Variants in PIK3C2A observed in about 807,000 individuals in gnomAD.
PIK3C2A encodes phosphatidylinositol-4-phosphate 3-kinase catalytic subunit type 2 alpha.
A neutral mutation model predicts 204.5 loss-of-function variants in PIK3C2A; 97 were observed. That is an observed-to-expected ratio of 0.47 (90% CI 0.40 to 0.56). The LOEUF is 0.56. Ranked by LOEUF, PIK3C2A falls within the 20% of genes least tolerant of loss-of-function variation. The pLI is 0.00. For synonymous variants in PIK3C2A, 653 were observed against 664.4 expected (o/e 0.98, Z 0.26); for missense variants, 1,735 against 1,969.2 (o/e 0.88, Z 2.25).
Position 17,189,704 on chromosome 11 carries a change from A to G in PIK3C2A, c.-66+18144T>C, listed in dbSNP as rs112984474. On this transcript the variant is annotated intron_variant, in intron 1 of 32. Transcript: ENST00000691414. ...AGCAGTCACATTTCCCCTCCCTAAT[A>G]TTAGTGATTTTAAAAGAAGACAGTT... Among the ~76,000 whole-genome samples, 338 of 150,836 alleles carry G rather than the reference A, an allele frequency of 2.2e-3. 2 individuals are homozygous for G. Among genetic ancestry groups the G allele is most frequent in the Non-Finnish European group, 1.8e-3 (125 of 67,832 alleles).
chr11:17,102,392 G>C (rs569351720), intron 24 of PIK3C2A, among the ~76,000 whole-genome samples: 8 of 152,162 alleles, frequency 5.3e-5, no homozygotes, highest in African/African-American at 1.9e-4. Flanking sequence ...AGCCGAGATC[G>C]TGCCACTGCA....
intron 20 of PIK3C2A, among the ~76,000 whole-genome samples, 186 bp from the exon 21 acceptor site, chr11:17,112,852 C>T (rs1849044855): frequency 6.6e-6 from 1 of 151,144 alleles, no homozygotes; most frequent in African/African-American, 2.5e-5. Context: ...GTGATGCAAC[C>T]ATAGCTTCCC....
At chr11:17,091,729 T>C in intron 30 of PIK3C2A, 73 bp from the exon 31 acceptor site, 1 of 1,019,758 alleles carries the variant, frequency 9.8e-7, no homozygotes. Context: ...GATTTTGCTT[T>C]ATTTTCAAGA....
At chr11:17,114,804 TGGTAGGGAGAGAGGTGTACACA>T (rs1189903273) in intron 19 of PIK3C2A, among the ~76,000 whole-genome samples, 2 of 152,234 alleles carry the variant, frequency 1.3e-5, no homozygotes, top group Non-Finnish European at 2.9e-5. Context: ...CATAACTTAT[TGGTAGGGAGAGAGGTGTACACA>T]GGTGTAGCTT....
intron 1 of PIK3C2A, among the ~76,000 whole-genome samples, chr11:17,203,417 TAAC>T (rs763129368): frequency 5.3e-5 from 8 of 151,754 alleles, no homozygotes; most frequent in Non-Finnish European, 1.0e-4. Context: ...AAAATAAAGA[TAAC>T]AAAAATATGA....
At chr11:17,199,884 T>C (rs1852305168) in intron 1 of PIK3C2A, among the ~76,000 whole-genome samples, 1 of 137,296 alleles carries the variant, frequency 7.3e-6, no homozygotes, top group South Asian at 2.3e-4. Flanking sequence ...ATCGTGCCAC[T>C]ACATTCCAGC....
At chr11:17,117,718 T>TG (rs755371785) in intron 18 of PIK3C2A, 47 bp from the exon 19 acceptor site, 1 of 1,186,258 alleles carries the variant, frequency 8.4e-7, no homozygotes, top group East Asian at 2.4e-5. Flanking sequence ...GTTTTTTTTT[T>TG]TTTTTTTTTT....
rs1402390782 is a variant in PIK3C2A, at chr11:17,110,484, T to G, written c.3492A>C (p.Gly1164=). 1 of 1,609,584 alleles carries G rather than the reference T, an allele frequency of 6.2e-7. No individual in the cohort carries two copies. Among genetic ancestry groups the G allele is most frequent in the South Asian group, 1.1e-5 (1 of 90,944 alleles). ...TGAAAATTACCATCCTCAGATCTAG[T>G]CCTTCTTTAAGCCAGATCTTATCCA... is the stretch of plus-strand genomic sequence containing the variant. ...KIMDKIWLKE[G]LDLRMVIFKC... The change falls in exon 22 of 33, where the codon GGA becomes GGC. Residue 1164 remains glycine, a synonymous_variant. Transcript: ENST00000691414.
Position 17,101,353 on chromosome 11 carries a change from C to T in PIK3C2A, c.3933G>A (p.Leu1311=). Residue 1311 remains leucine (L), a synonymous_variant, in exon 25 of 33, where the codon TTG becomes TTA. Transcript: ENST00000691414. ...AGGCCTGACAGCAGAGGTCCACAAA[C>T]AACTGAAAACGAATGGTGGGCTTTT... ...GGEKPTIRFQ[L]FVDLCCQAYN... 1 of 1,600,040 alleles carries T rather than the reference C, an allele frequency of 6.2e-7. No individual in the cohort carries two copies. The highest frequency in any genetic ancestry group is 8.6e-7 in the Non-Finnish European group (1 of 1,169,408).
In PIK3C2A at chr11:17,206,397, T is replaced by C. The variant is rs564707338; in HGVS notation, c.-66+1451A>G. The stretch of plus-strand genomic sequence containing the variant: ...TTTCAGTATGTAACCACTGTCTTGA[T>C]ACTAAACAAATATCTTATATAAAAA... On this transcript the variant is annotated intron_variant, in intron 1 of 32. Transcript: ENST00000691414. 9.2e-4 allele frequency among the ~76,000 whole-genome samples: 140 copies of C among 152,182 alleles called. 1 individual carries two copies. The highest frequency in any genetic ancestry group is 3.7e-3 in the Admixed American group (57 of 15,268).
At chr11:17,173,509 C>T (rs1429118636) in intron 1 of PIK3C2A, among the ~76,000 whole-genome samples, 1 of 152,204 alleles carries the variant, frequency 6.6e-6, no homozygotes, top group South Asian at 2.1e-4. Flanking sequence ...CGAAGAAAGA[C>T]AGATTCTGGC....
intron 15 of PIK3C2A, among the ~76,000 whole-genome samples, chr11:17,121,932 T>C (rs1849379065): frequency 6.6e-6 from 1 of 151,686 alleles, no homozygotes; most frequent in African/African-American, 2.4e-5. Flanking sequence ...ACTTGACAAA[T>C]TTCTAAAATT....
chr11:17,106,391 G>A (rs960310321), intron 22 of PIK3C2A, among the ~76,000 whole-genome samples: 3 of 151,996 alleles, frequency 2.0e-5, no homozygotes, highest in Non-Finnish European at 4.4e-5. Context: ...CAGCCTGGAC[G>A]ACAGCGAGAC....
intron 1 of PIK3C2A, among the ~76,000 whole-genome samples, chr11:17,201,781 G>A (rs1015857238): frequency 9.2e-5 from 14 of 151,802 alleles, no homozygotes; most frequent in East Asian, 3.9e-4. Flanking sequence ...TTTCTTTCCC[G>A]TAACAAATTT....
Position 17,169,188 on chromosome 11 carries a change from ATAGGTTCTG to A in PIK3C2A, c.545_553del (p.Thr182_Pro184del). 6 of 1,614,008 alleles carry A rather than the reference ATAGGTTCTG, an allele frequency of 3.7e-6. No individual in the cohort carries two copies. In the South Asian group the frequency reaches 6.6e-5, roughly 18 times the overall value. ...AGATTGTCCCGGAAGACTTAAATAT[ATAGGTTCTG>A]TAGATGGAAAAGTGGGCATTCTTGG... On this transcript the variant is annotated inframe_deletion, in exon 2 of 33. Transcript: ENST00000691414.
intron 18 of PIK3C2A, among the ~76,000 whole-genome samples, chr11:17,117,954 C>A (rs771043058): frequency 5.9e-5 from 9 of 151,982 alleles, no homozygotes; most frequent in Non-Finnish European, 1.0e-4. Context: ...ACCTTGTGAT[C>A]CGCCCACTTC....
intron 13 of PIK3C2A, among the ~76,000 whole-genome samples, chr11:17,128,129 C>T (rs1019335288): frequency 2.0e-5 from 3 of 152,076 alleles, no homozygotes; most frequent in Non-Finnish European, 2.9e-5. Flanking sequence ...ATACCTAGCA[C>T]ATAGTAAGTG....
intron 27 of PIK3C2A, among the ~76,000 whole-genome samples, chr11:17,094,789 C>T (rs1347402655): frequency 6.6e-6 from 1 of 152,128 alleles, no homozygotes; most frequent in Non-Finnish European, 1.5e-5. Flanking sequence ...CCTTTCCTGA[C>T]AGAAAAGAAA....
Position 17,190,481 on chromosome 11 carries a change from G to C in PIK3C2A, c.-66+17367C>G, listed in dbSNP as rs35481958. Among the ~76,000 whole-genome samples the C allele has an allele frequency of 4.1e-3, 624 of 150,540 alleles. 2 individuals are homozygous for C. Among genetic ancestry groups the C allele is most frequent in the Non-Finnish European group, 6.8e-3 (463 of 67,842 alleles). On this transcript the variant is annotated intron_variant, in intron 1 of 32. Coordinates refer to ENST00000691414, the MANE Select transcript of PIK3C2A (RefSeq NM_002645.4). ...AGCTACTCAGGAGGCTGAGACAGGA[G>C]AATCACTTGAACCCAGGAGGCAGAG...
Sources: gnomAD v4.1 joint callset for allele counts (sites outside exome capture counted in the v4.1 genomes callset) on GRCh38, gnomAD v4.1.1 for gene constraint, MANE v1.5 for transcripts, NCBI Gene and HGNC (gene_info 2026-07-23, HGNC 2026-07-21) for gene names.